CLDN18: variants seen among roughly 807,000 people sequenced by gnomAD.
CLDN18 encodes the protein claudin 18, also known as claudin-18.
Under a neutral mutation model 25.0 loss-of-function variants are expected in CLDN18, and 20 were observed. The ratio of observed to expected loss-of-function variants is 0.80; its 90% CI spans 0.56 to 1.16. The LOEUF is 1.16. CLDN18 is among the 50% of genes most tolerant of loss of function. The pLI is 0.00. For synonymous variants in CLDN18, 125 were observed against 135.6 expected (o/e 0.92, Z 0.54); for missense variants, 297 against 345.4 (o/e 0.86, Z 1.11).
At chr3:138,018,090 G>A (rs1372866060) in intron 1 of CLDN18, among the ~76,000 whole-genome samples, 2 of 152,194 alleles carry the variant, frequency 1.3e-5, no homozygotes, top group African/African-American at 4.8e-5. Context: ...AGTTGTAGTT[G>A]CATCTCACCT....
intron 1 of CLDN18, among the ~76,000 whole-genome samples, chr3:138,019,394 C>A (rs763561569): frequency 6.6e-6 from 1 of 152,188 alleles, no homozygotes; most frequent in African/African-American, 2.4e-5. Context: ...CGACTTTGGG[C>A]TCCTCCATTA....
chr3:138,020,677 G>C (rs180987335), intron 1 of CLDN18, among the ~76,000 whole-genome samples: 201 of 152,326 alleles, frequency 1.3e-3, no homozygotes, highest in African/African-American at 4.6e-3. Context: ...TGCTGGAGGA[G>C]ATGGGAATGC....
rs560621273 is a variant in CLDN18, at chr3:138,014,397, G to A, written c.220+3952G>A. On this transcript the variant is annotated intron_variant, in intron 1 of 4. Coordinates refer to ENST00000183605, the MANE Select transcript of CLDN18 (RefSeq NM_016369.4). ...ACACCATCTATTGGTAAGCTCTGTC[G>A]GTGGTAAGATTGTGGCCAGAGGACT... is the stretch of plus-strand genomic sequence containing the variant. Among the ~76,000 whole-genome samples, 18 of 152,264 alleles carry A rather than the reference G, an allele frequency of 1.2e-4. No individual in the cohort carries two copies. In the East Asian group the frequency reaches 1.5e-3, roughly 13 times the overall value.
Position 138,010,353 on chromosome 3 carries a change from T to C in CLDN18, c.128T>C (p.Val43Ala). The C allele has an allele frequency of 6.2e-7, 1 of 1,614,202 alleles. No individual in the cohort carries two copies. Among genetic ancestry groups the C allele is most frequent in the South Asian group, 1.1e-5 (1 of 91,088 alleles). Residue 43 changes from valine (V) to alanine (A), a missense_variant, in exon 1 of 5, where the codon GTG (valine) becomes GCG (alanine). Val to Ala is a moderately conservative substitution (Grantham distance 64). Transcript: ENST00000183605. ...QDLYDNPVTS[V>A]FQYEGLWRSC... The stretch of plus-strand genomic sequence containing the variant: ...CTGTACGACAACCCCGTCACCTCCG[T>C]GTTCCAGTACGAAGGGCTCTGGAGG...
rs78868067 is a variant in CLDN18 at position 138,010,482 on chromosome 3, C to T, written c.220+37C>T. ...GCACCCCGGGGTAGAGCCAGGTGAA[C>T]CAGGTGAGCAGGGAAGGGGGCGTTT... On this transcript the variant is annotated intron_variant, in intron 1 of 4. Transcript: ENST00000183605. 4.5e-5 allele frequency: 72 copies of T among 1,611,130 alleles called. No homozygotes were observed. In the East Asian group the frequency reaches 1.6e-3, roughly 36 times the overall value.
intron 3 of CLDN18, among the ~76,000 whole-genome samples, chr3:138,027,199 A>G (rs976143205): frequency 6.6e-6 from 1 of 152,236 alleles, no homozygotes; most frequent in African/African-American, 2.4e-5. Flanking sequence ...CCATCTCTGC[A>G]GCTGAGAGGC....
chr3:138,010,867 A>AAG (rs1328821905), intron 1 of CLDN18, among the ~76,000 whole-genome samples: 2 of 152,052 alleles, frequency 1.3e-5, no homozygotes, highest in Non-Finnish European at 2.9e-5. Flanking sequence ...GAGCTAATTT[A>AAG]ATTTTCTTTC....
At chr3:138,022,818 A>C (rs1366594549) in intron 1 of CLDN18, among the ~76,000 whole-genome samples, 1 of 152,212 alleles carries the variant, frequency 6.6e-6, no homozygotes, top group Non-Finnish European at 1.5e-5. Context: ...AACAGAGACC[A>C]TGTCTGACCT....
intron 3 of CLDN18, among the ~76,000 whole-genome samples, chr3:138,027,668 G>A (rs1234701898): frequency 6.6e-6 from 1 of 152,082 alleles, no homozygotes. Flanking sequence ...TATCAGTAAG[G>A]GCTTAATAAA....
chr3:138,025,823 A>G (rs1426262741), intron 3 of CLDN18, among the ~76,000 whole-genome samples: 4 of 152,134 alleles, frequency 2.6e-5, no homozygotes, highest in African/African-American at 9.7e-5. Flanking sequence ...CTACTTAGAA[A>G]AGCCCACCTT....
At chr3:138,000,446 G>A (rs891471637) in intron 1 of CLDN18, among the ~76,000 whole-genome samples, 11 of 152,200 alleles carry the variant, frequency 7.2e-5, no homozygotes, top group Admixed American at 2.6e-4. Flanking sequence ...TGACCTTGGC[G>A]GGAGAAGAAG....
At chr3:138,003,447 A>G (rs1262986399) in intron 1 of CLDN18, among the ~76,000 whole-genome samples, 1 of 152,226 alleles carries the variant, frequency 6.6e-6, no homozygotes, top group Admixed American at 6.5e-5. Flanking sequence ...ATCATCTTGG[A>G]AAATCACAGT....
intron 1 of CLDN18, among the ~76,000 whole-genome samples, chr3:138,016,769 C>T (rs996598460): frequency 3.9e-5 from 6 of 152,088 alleles, no homozygotes; most frequent in South Asian, 4.2e-4. Flanking sequence ...TATGAAAGTG[C>T]TGGGCCGGGC....
chr3:138,029,545 G>T lies in CLDN18; in HGVS notation c.504-252G>T, dbSNP rs1374532437. On this transcript the variant is annotated intron_variant, in intron 3 of 4. Coordinates refer to ENST00000183605, the MANE Select transcript of CLDN18 (RefSeq NM_016369.4). ...TTCTTGAGATGTGTCACAGAGATAA[G>T]ATTTATAATTTTATGGTTGAGTGAT... 2.0e-5 allele frequency among the ~76,000 whole-genome samples: 3 copies of T among 152,176 alleles called. 1 individual carries two copies. Among genetic ancestry groups the T allele is most frequent in the Admixed American group, 6.5e-5 (1 of 15,278 alleles).
chr3:138,007,690 TA>T (rs1435816257), upstream of CLDN18, among the ~76,000 whole-genome samples: 5 of 78,426 alleles, frequency 6.4e-5, no homozygotes, highest in South Asian at 7.5e-4. Flanking sequence ...TTAAATGAAA[TA>T]AATTTTTAAA....
At chr3:138,001,464 C>A (rs773564881) in intron 1 of CLDN18, among the ~76,000 whole-genome samples, 3 of 151,538 alleles carry the variant, frequency 2.0e-5, no homozygotes, top group Non-Finnish European at 2.9e-5. Flanking sequence ...CCTCATGATC[C>A]GCCTGCCTTG....
In CLDN18 at chr3:138,010,427, AC is replaced by A; in HGVS notation, c.204del (p.Ile69SerfsTer14). 2 of 1,614,076 alleles carry A rather than the reference AC, an allele frequency of 1.2e-6. No individual in the cohort carries two copies. The highest frequency in any genetic ancestry group is 1.7e-6 in the Non-Finnish European group (2 of 1,179,990). ...SGFTECRPYF[T>X]ILGLPAMLQA... Reference sequence around the variant, plus strand: ...CTTCACCGAATGCAGGCCCTATTTCACCATCCTGGGACTTCCAGGTAGGCAC... The same window carrying A: ...CTTCACCGAATGCAGGCCCTATTTCACATCCTGGGACTTCCAGGTAGGCAC... On this transcript the variant is annotated frameshift_variant, in exon 1 of 5. Coordinates refer to ENST00000183605, the MANE Select transcript of CLDN18 (RefSeq NM_016369.4). LOFTEE classifies it high-confidence loss of function.
At chr3:138,007,139 C>A (rs1942078191), upstream of CLDN18, among the ~76,000 whole-genome samples, 1 of 152,030 alleles carries the variant, frequency 6.6e-6, no homozygotes, top group South Asian at 2.1e-4. Flanking sequence ...GAAAATCAAA[C>A]CAATAGAGCT....
chr3:138,003,520 T>A lies in CLDN18; in HGVS notation c.220+4432T>A, dbSNP rs187317315. ...GACTTAGTTCTGCTTATATGTGATATGGGCTAGGGCAGGTGGAGTGCACAG... is the reference window on the plus strand; with the variant it reads ...GACTTAGTTCTGCTTATATGTGATAAGGGCTAGGGCAGGTGGAGTGCACAG... On this transcript the variant is annotated intron_variant, in intron 1 of 4. Coordinates refer to the CLDN18 transcript ENST00000343735. Among the ~76,000 whole-genome samples, 7 of 152,330 alleles carry A rather than the reference T, an allele frequency of 4.6e-5. No homozygotes were observed. The East Asian group carries it at 1.3e-3, about 29-fold the overall frequency.
Sources: allele counts gnomAD v4.1 joint callset (sites outside exome capture counted in the v4.1 genomes callset), GRCh38; gene constraint gnomAD v4.1.1; transcripts MANE v1.5; gene names NCBI Gene and HGNC (gene_info 2026-07-23, HGNC 2026-07-21).